The following GLCCI1 variants were observed in gnomAD, a reference collection of about 807,000 sequenced individuals.
GLCCI1 encodes the protein glucocorticoid-induced transcript 1 protein.
GLCCI1 carries 24 observed loss-of-function variants against 52.2 expected under a neutral mutation model. The ratio of observed to expected loss-of-function variants is 0.46; its 90% CI spans 0.33 to 0.65. GLCCI1 has a LOEUF of 0.65. GLCCI1 is among the 30% of genes least tolerant of loss of function. The pLI is 0.02. For synonymous variants in GLCCI1, 310 were observed against 276.5 expected (o/e 1.12, Z -1.20); for missense variants, 704 against 701.5 (o/e 1.00, Z -0.04).
chr7:8,057,411 A>G (rs1007331262), intron 4 of GLCCI1, among the ~76,000 whole-genome samples: 4 of 152,206 alleles, frequency 2.6e-5, no homozygotes, highest in African/African-American at 9.6e-5. Flanking sequence ...ACATGGTTGA[A>G]TCTCAAAAAC....
intron 2 of GLCCI1, chr7:8,004,289 C>T (rs1188557614): frequency 4.9e-6 from 2 of 405,176 alleles, no homozygotes; most frequent in Non-Finnish European, 8.9e-6. Context: ...GTCTATATTA[C>T]ATGGTTGTAG....
chr7:8,083,162 T>C (rs534369279), intron 6 of GLCCI1, among the ~76,000 whole-genome samples: 1 of 152,296 alleles, frequency 6.6e-6, no homozygotes, highest in South Asian at 2.1e-4. Context: ...GGTGTATATA[T>C]TTATAGGGTA....
At chr7:8,056,878 A>G (rs938050888) in intron 4 of GLCCI1, among the ~76,000 whole-genome samples, 3 of 152,240 alleles carry the variant, frequency 2.0e-5, no homozygotes, top group African/African-American at 4.8e-5. Flanking sequence ...AAGGATGTCT[A>G]TAATTATTGA....
rs1562418127 is a variant in GLCCI1 at position 7,988,278 on chromosome 7, T to TTTTG, written c.458-15627_458-15626insGTTT. Among the ~76,000 whole-genome samples, 443 of 151,918 alleles carry TTTTG rather than the reference T, an allele frequency of 2.9e-3. 8 individuals are homozygous for TTTTG. The East Asian group carries it at 0.049, about 17-fold the overall frequency. On this transcript the variant is annotated intron_variant, in intron 1 of 7. Transcript: ENST00000223145. ...GTGTTTTAATGCTGATGAGCAGAGT[T>TTTTG]TTTTGTTTTGTTTTGTTTTGTTTTG... is the stretch of plus-strand genomic sequence containing the variant.
intron 3 of GLCCI1, among the ~76,000 whole-genome samples, chr7:8,043,395 A>G (rs919683786): frequency 3.3e-5 from 5 of 151,970 alleles, no homozygotes; most frequent in Non-Finnish European, 7.4e-5. Context: ...GTAAAAGTTT[A>G]TTTGCAAAAA....
In GLCCI1 at chr7:7,981,735, A is replaced by T. The variant is rs1315540216; in HGVS notation, c.457+11928A>T. ...GTTACAAAGGTTAAATGGAAGGAAA[A>T]AGTGGGAAATACACCAAGAGTGATT... is the stretch of plus-strand genomic sequence containing the variant. On this transcript the variant is annotated intron_variant, in intron 1 of 7. Transcript: ENST00000223145. The T allele has an allele frequency of 8.1e-5, 23 of 285,626 alleles. No homozygotes were observed. In the Admixed American group the frequency reaches 1.1e-3, roughly 14 times the overall value. The allele number at this position is 285,626 out of a possible 1,614,324, so 17.7% of individuals were successfully genotyped here.
At chr7:8,038,925 C>A (rs995601172) in intron 3 of GLCCI1, among the ~76,000 whole-genome samples, 2 of 151,902 alleles carry the variant, frequency 1.3e-5, no homozygotes, top group Non-Finnish European at 2.9e-5. Context: ...AAAAAAAATA[C>A]GTAACCCTGT....
At chr7:7,979,180 A>T (rs1171202625) in intron 1 of GLCCI1, among the ~76,000 whole-genome samples, 4 of 152,308 alleles carry the variant, frequency 2.6e-5, no homozygotes, top group Admixed American at 2.0e-4. Flanking sequence ...TTTTGAAAAA[A>T]GCTACAGTAT....
chr7:7,992,439 T>C (rs947471637), intron 1 of GLCCI1, among the ~76,000 whole-genome samples: 4 of 152,066 alleles, frequency 2.6e-5, no homozygotes, highest in African/African-American at 9.7e-5. Context: ...GAAAGACTCA[T>C]AGGAACAATA....
chr7:8,019,916 C>T (rs151145701), intron 2 of GLCCI1, among the ~76,000 whole-genome samples: 83 of 152,282 alleles, frequency 5.5e-4, no homozygotes, highest in African/African-American at 1.9e-3. Flanking sequence ...AATGTGAAGG[C>T]TTAGGGTATT....
At chr7:8,071,927 C>A (rs1165334786) in intron 6 of GLCCI1, among the ~76,000 whole-genome samples, 1 of 152,160 alleles carries the variant, frequency 6.6e-6, no homozygotes, top group Non-Finnish European at 1.5e-5. Context: ...TTTATAAAAT[C>A]TTGCAGGAGT....
rs114764206 is a variant in GLCCI1 at position 7,985,159 on chromosome 7, A to G, written c.457+15352A>G. On this transcript the variant is annotated intron_variant, in intron 1 of 7. Coordinates refer to ENST00000223145, the MANE Select transcript of GLCCI1 (RefSeq NM_138426.4). ...ATTATGATTTTGTGTATATTTGTAT[A>G]TTTCTACAGGCTGATTTTAATTTGT... 4.7e-3 allele frequency among the ~76,000 whole-genome samples: 721 copies of G among 152,156 alleles called. 5 individuals carry two copies. Among genetic ancestry groups the G allele is most frequent in the African/African-American group, 0.017 (686 of 41,520 alleles).
chr7:8,056,522 C>G (rs1452191170), intron 4 of GLCCI1, among the ~76,000 whole-genome samples: 5 of 152,140 alleles, frequency 3.3e-5, no homozygotes, highest in African/African-American at 4.8e-5. Flanking sequence ...TTATTTTCCC[C>G]TAGAAGTAAA....
intron 3 of GLCCI1, among the ~76,000 whole-genome samples, chr7:8,045,392 T>C (rs1022009346): frequency 6.6e-6 from 1 of 151,908 alleles, no homozygotes; most frequent in African/African-American, 2.4e-5. Context: ...TGGGGAGAGA[T>C]TGCAAACTCC....
At chr7:8,021,620 C>G (rs1196261552) in intron 2 of GLCCI1, among the ~76,000 whole-genome samples, 2 of 152,126 alleles carry the variant, frequency 1.3e-5, no homozygotes, top group African/African-American at 4.8e-5. Flanking sequence ...TCAGGCTGGT[C>G]TCGGACTCCT....
chr7:8,031,081 T>C (rs369125390), intron 3 of GLCCI1, among the ~76,000 whole-genome samples: 27 of 152,172 alleles, frequency 1.8e-4, no homozygotes, highest in Admixed American at 1.0e-3. Flanking sequence ...AAGAGATATC[T>C]GCACTCCTAT....
At chr7:8,040,882 A>G (rs1318595512) in intron 3 of GLCCI1, among the ~76,000 whole-genome samples, 1 of 152,134 alleles carries the variant, frequency 6.6e-6, no homozygotes, top group African/African-American at 2.4e-5. Flanking sequence ...GGGCTTCCTT[A>G]TTTCCTGAGA....
chr7:8,064,080 T>C (rs1421724736), intron 5 of GLCCI1, among the ~76,000 whole-genome samples: 2 of 152,240 alleles, frequency 1.3e-5, no homozygotes, highest in Non-Finnish European at 2.9e-5. Flanking sequence ...TTGAAACCTA[T>C]TGTTGTGCAG....
chr7:8,082,786 ATTG>A (rs1219405797), intron 6 of GLCCI1, among the ~76,000 whole-genome samples: 12 of 152,332 alleles, frequency 7.9e-5, no homozygotes, highest in African/African-American at 2.9e-4. Context: ...CTTATTCTAG[ATTG>A]TTAACAGGAA....
Sources: gnomAD v4.1 joint callset for allele counts (sites outside exome capture counted in the v4.1 genomes callset) on GRCh38, gnomAD v4.1.1 for gene constraint, MANE v1.5 for transcripts, NCBI Gene and HGNC (gene_info 2026-07-23, HGNC 2026-07-21) for gene names.